Variants in PGAP2 observed in about 807,000 individuals in gnomAD.
PGAP2 encodes acyltransferase PGAP2.
Under a neutral mutation model 33.2 loss-of-function variants are expected in PGAP2, and 21 were observed. That is an observed-to-expected ratio of 0.63 (90% CI 0.45 to 0.91). The LOEUF is 0.91. Among genes scored for constraint, PGAP2 ranks in the 40% least tolerant of loss-of-function variants. The pLI, the probability that PGAP2 is intolerant of heterozygous loss-of-function variation, is 0.00. For synonymous variants in PGAP2, 161 were observed against 172.9 expected (o/e 0.93, Z 0.54); for missense variants, 345 against 424.0 (o/e 0.81, Z 1.64).
chr11:3,817,280 T>C, intron 2 of PGAP2, 73 bp from the exon 3 acceptor site: 1 of 1,200,104 alleles, frequency 8.3e-7, no homozygotes, highest in Non-Finnish European at 1.2e-6. Context: ...AGGAGCCATC[T>C]CTGGAAAAGG....
At position 3,825,550 on chromosome 11, in the gene PGAP2, T is replaced by G; in HGVS notation, c.*92T>G. On this transcript the variant is annotated 3_prime_UTR_variant, in exon 7 of 7. Transcript: ENST00000278243. ...GCCTTCCCCACCCCACATCCTCTCT[T>G]GGCCTTACTGAAGATGGGGGAAGGG... is the stretch of plus-strand genomic sequence containing the variant. The G allele has an allele frequency of 7.5e-7, 1 of 1,339,212 alleles. No homozygotes were observed. Among genetic ancestry groups the G allele is most frequent in the African/African-American group, 1.4e-5 (1 of 69,166 alleles). The allele number at this position is 1,339,212 out of a possible 1,614,324, so 83.0% of individuals were successfully genotyped here.
chr11:3,802,364 C>A (rs2134142773), intron 1 of PGAP2, among the ~76,000 whole-genome samples: 1 of 152,300 alleles, frequency 6.6e-6, no homozygotes, highest in African/African-American at 2.4e-5. Flanking sequence ...GCCAGGGGTT[C>A]CTTCCCACAC....
chr11:3,824,034 G>T lies in PGAP2; in HGVS notation c.500G>T (p.Cys167Phe). The T allele has an allele frequency of 1.2e-6, 2 of 1,614,172 alleles. No individual in the cohort carries two copies. Among genetic ancestry groups the T allele is most frequent in the Non-Finnish European group, 1.7e-6 (2 of 1,180,034 alleles). The change falls in exon 4 of 7, where the codon TGT becomes TTT. Residue 167 changes from cysteine (C) to phenylalanine (F), a missense_variant. Cys to Phe is a radical substitution (Grantham distance 205). Coordinates refer to ENST00000278243, the MANE Select transcript of PGAP2 (RefSeq NM_014489.4). ...WNHYLSCTSPCSCYRPLCRLN... is the reference protein window; with the variant it reads ...WNHYLSCTSPFSCYRPLCRLN... ...CACTACCTCAGCTGCACCTCCCCGT[G>T]TTCCTGCTATCGCCCGCTCTGCCGC...
chr11:3,797,724 G>GGA, upstream of PGAP2: 1 of 1,135,866 alleles, frequency 8.8e-7, no homozygotes, highest in African/African-American at 1.6e-5. Context: ...AGGGGCAGAA[G>GGA]GAGTTCGGGG....
At chr11:3,805,259 C>CT (rs1171517604), upstream of PGAP2, among the ~76,000 whole-genome samples, 13,409 of 123,182 alleles carry the variant, frequency 0.11, 1,016 homozygotes, top group Non-Finnish European at 0.16. Context: ...TGTGGATATT[C>CT]TTTTTTTTTT....
intron 2 of PGAP2, among the ~76,000 whole-genome samples, chr11:3,816,860 TGTTA>T (rs962491865): frequency 2.6e-5 from 4 of 152,150 alleles, no homozygotes; most frequent in Non-Finnish European, 5.9e-5. Flanking sequence ...AACGGTCCTT[TGTTA>T]GTTGGCCTGA....
intron 1 of PGAP2, among the ~76,000 whole-genome samples, chr11:3,801,795 A>G (rs1243615015): frequency 6.6e-6 from 1 of 151,880 alleles, no homozygotes; most frequent in Non-Finnish European, 1.5e-5. Context: ...AAATAAAAAA[A>G]TTAGCCAGGC....
At chr11:3,818,987 A>G (rs1411195446) in intron 3 of PGAP2, among the ~76,000 whole-genome samples, 2 of 152,102 alleles carry the variant, frequency 1.3e-5, no homozygotes, top group Admixed American at 6.6e-5. Context: ...CCAGAGGGCA[A>G]TTTTTATCAA....
At chr11:3,804,771 G>T (rs1349866340), upstream of PGAP2, among the ~76,000 whole-genome samples, 1 of 152,044 alleles carries the variant, frequency 6.6e-6, no homozygotes, top group Non-Finnish European at 1.5e-5. Context: ...GCGCAATGTT[G>T]GCTCACTGCA....
At chr11:3,814,343 G>A (rs1021035685) in intron 2 of PGAP2, among the ~76,000 whole-genome samples, 1 of 152,056 alleles carries the variant, frequency 6.6e-6, no homozygotes, top group South Asian at 2.1e-4. Flanking sequence ...TGCAACCTCC[G>A]CCTCTTGGGT....
At chr11:3,802,216 G>A (rs182756642) in intron 1 of PGAP2, among the ~76,000 whole-genome samples, 2 of 152,172 alleles carry the variant, frequency 1.3e-5, no homozygotes, top group East Asian at 3.9e-4. Flanking sequence ...AATACGTACT[G>A]GATGAGGAAT....
rs1395762983 is a variant in PGAP2 at position 3,825,058 on chromosome 11, C to A, written c.747C>A (p.Ile249=). 2.5e-6 allele frequency: 4 copies of A among 1,614,216 alleles called. No individual in the cohort carries two copies. The highest frequency in any genetic ancestry group is 3.4e-6 in the Non-Finnish European group (4 of 1,180,038). Residue 249 remains isoleucine (I), a synonymous_variant, in exon 6 of 7, where the codon ATC becomes ATA. Transcript: ENST00000278243. ...KSYSWKQRLF[I]INFISFFSAL... ...ACAGCTGGAAACAGCGGCTCTTCAT[C>A]ATCAACTTCATCTCCTTCTTCTCGG...
intron 3 of PGAP2, chr11:3,823,625 C>T: frequency 6.5e-7 from 1 of 1,536,988 alleles, no homozygotes; most frequent in Non-Finnish European, 8.7e-7. Context: ...AGGTTCCAGT[C>T]TGCGGGGGAG....
At chr11:3,821,759 A>G (rs2088705819) in intron 3 of PGAP2, among the ~76,000 whole-genome samples, 1 of 148,420 alleles carries the variant, frequency 6.7e-6, no homozygotes, top group Admixed American at 6.7e-5. Flanking sequence ...CTCCATCTCA[A>G]AAAAAAAAAA....
At chr11:3,804,498 G>C (rs1342032149), upstream of PGAP2, among the ~76,000 whole-genome samples, 1 of 152,008 alleles carries the variant, frequency 6.6e-6, no homozygotes, top group Non-Finnish European at 1.5e-5. Context: ...GGCAGAGCTT[G>C]GTCTAAAGCT....
upstream of PGAP2, among the ~76,000 whole-genome samples, chr11:3,803,585 A>T (rs112009491): frequency 6.7e-6 from 1 of 150,136 alleles, no homozygotes; most frequent in South Asian, 2.1e-4. Context: ...CCACCACCAC[A>T]CCAGGCTAAT....
chr11:3,824,835 TC>T (rs1208304671), intron 5 of PGAP2, 184 bp from the exon 6 acceptor site: 6 of 1,437,466 alleles, frequency 4.2e-6, no homozygotes, highest in Non-Finnish European at 5.4e-6. Flanking sequence ...GGCCCATCAC[TC>T]CCCCAGAGGC....
upstream of PGAP2, among the ~76,000 whole-genome samples, chr11:3,806,994 C>T (rs2084477380): frequency 7.0e-6 from 1 of 142,036 alleles, no homozygotes; most frequent in Non-Finnish European, 1.5e-5. Context: ...GCACTCTAGC[C>T]TGGGTGACAG....
chr11:3,825,272 C>T, intron 6 of PGAP2, 56 bp from the exon 7 acceptor site: 2 of 1,594,996 alleles, frequency 1.3e-6, no homozygotes, highest in Non-Finnish European at 1.7e-6. Flanking sequence ...ATCAAGAGGC[C>T]TCTGAGCGGG....
Sources: allele counts gnomAD v4.1 joint callset (sites outside exome capture counted in the v4.1 genomes callset), GRCh38; gene constraint gnomAD v4.1.1; transcripts MANE v1.5; gene names NCBI Gene and HGNC (gene_info 2026-07-23, HGNC 2026-07-21).